Variants in FHIT observed in about 807,000 individuals in gnomAD.
FHIT encodes fragile histidine triad diadenosine triphosphatase, also known as bis(5'-adenosyl)-triphosphatase.
A neutral mutation model predicts 17.9 loss-of-function variants in FHIT; 19 were observed. The observed-to-expected ratio is 1.06, with a 90% CI of 0.74 to 1.56. FHIT has a LOEUF of 1.56. Among genes scored for constraint, FHIT ranks in the 40% most tolerant of loss-of-function variants. The pLI, the probability that FHIT is intolerant of heterozygous loss-of-function variation, is 0.00. For missense variants in FHIT, 248 were observed against 189.2 expected, an observed-to-expected ratio of 1.31 and a Z score of -1.82; for synonymous variants, 81 against 69.7, an observed-to-expected ratio of 1.16 and a Z score of -0.81.
At chr3:59,956,446 G>T (rs533273100) in intron 7 of FHIT, among the ~76,000 whole-genome samples, 19 of 152,318 alleles carry the variant, frequency 1.2e-4, no homozygotes, top group African/African-American at 4.3e-4. Context: ...GAGGCGGGCA[G>T]ATCTTGAGGT....
chr3:60,314,229 G>C (rs1461307829), intron 5 of FHIT, among the ~76,000 whole-genome samples: 5 of 148,978 alleles, frequency 3.4e-5, no homozygotes, highest in Non-Finnish European at 7.5e-5. Context: ...TCTGGTAGAT[G>C]ATTAATAAGA....
chr3:60,561,895 G>C (rs1273269776), intron 4 of FHIT, among the ~76,000 whole-genome samples: 1 of 134,372 alleles, frequency 7.4e-6, no homozygotes, highest in African/African-American at 2.8e-5. Flanking sequence ...TGAAAGAAAA[G>C]AAAAAAAAAG....
At chr3:59,804,917 G>T (rs907498089) in intron 8 of FHIT, among the ~76,000 whole-genome samples, 2 of 152,184 alleles carry the variant, frequency 1.3e-5, no homozygotes, top group African/African-American at 4.8e-5. Flanking sequence ...TTTCTCCCAG[G>T]TTGGTGGGCT....
chr3:61,214,561 C>A (rs976494689), intron 1 of FHIT, among the ~76,000 whole-genome samples: 2 of 151,914 alleles, frequency 1.3e-5, no homozygotes, highest in Admixed American at 1.3e-4. Flanking sequence ...GATTCACAGC[C>A]GAATTCTACC....
chr3:60,404,070 C>G (rs242212), intron 5 of FHIT, among the ~76,000 whole-genome samples: 1 of 152,176 alleles, frequency 6.6e-6, no homozygotes, highest in Non-Finnish European at 1.5e-5. Flanking sequence ...TGGGCCAAGT[C>G]TGCCTTTGCA....
chr3:59,824,655 T>C (rs1449828671), intron 8 of FHIT, among the ~76,000 whole-genome samples: 1 of 152,202 alleles, frequency 6.6e-6, no homozygotes, highest in Non-Finnish European at 1.5e-5. Flanking sequence ...TGAAACTTGA[T>C]ACTTCAAAAA....
chr3:60,801,587 C>T (rs1348487359), intron 4 of FHIT, among the ~76,000 whole-genome samples: 2 of 152,218 alleles, frequency 1.3e-5, no homozygotes, highest in Non-Finnish European at 2.9e-5. Flanking sequence ...CTGCCTGATA[C>T]ACATTTTCAG....
At chr3:59,999,934 G>A (rs1699663742) in intron 7 of FHIT, among the ~76,000 whole-genome samples, 1 of 152,126 alleles carries the variant, frequency 6.6e-6, no homozygotes, top group Admixed American at 6.5e-5. Context: ...ATGTCTGGAA[G>A]TAATGCAGGC....
intron 8 of FHIT, among the ~76,000 whole-genome samples, chr3:59,847,920 C>T (rs961781598): frequency 6.6e-6 from 1 of 151,914 alleles, no homozygotes; most frequent in Non-Finnish European, 1.5e-5. Context: ...TATCTGGGTC[C>T]CAAAAAGGGA....
intron 8 of FHIT, among the ~76,000 whole-genome samples, chr3:59,874,997 G>C (rs1703088349): frequency 6.6e-6 from 1 of 152,124 alleles, no homozygotes. Flanking sequence ...TTCCCTTTTT[G>C]ACTCTGATCC....
chr3:59,954,019 C>T (rs1009877664), intron 7 of FHIT, among the ~76,000 whole-genome samples: 11 of 152,080 alleles, frequency 7.2e-5, no homozygotes, highest in Admixed American at 6.5e-4. Context: ...ACTTGTATTC[C>T]AGTGTTAATG....
chr3:59,807,756 G>A (rs942921397), intron 8 of FHIT, among the ~76,000 whole-genome samples: 1 of 152,188 alleles, frequency 6.6e-6, no homozygotes, highest in Non-Finnish European at 1.5e-5. Context: ...GTCATGAGAA[G>A]TGGAGATATG....
At chr3:59,753,446 ACT>A (rs983030504) in intron 8 of FHIT, among the ~76,000 whole-genome samples, 29 of 152,120 alleles carry the variant, frequency 1.9e-4, no homozygotes, top group African/African-American at 6.5e-4. Flanking sequence ...TGTTCTCAGA[ACT>A]CTCTTCCTTA....
At chr3:60,713,057 G>A (rs1194013621) in intron 4 of FHIT, among the ~76,000 whole-genome samples, 2 of 152,072 alleles carry the variant, frequency 1.3e-5, no homozygotes, top group African/African-American at 2.4e-5. Context: ...CGTAAAAGAA[G>A]AGAAATTATA....
intron 5 of FHIT, among the ~76,000 whole-genome samples, chr3:60,402,666 G>GA (rs1281418971): frequency 2.6e-5 from 4 of 152,098 alleles, no homozygotes; most frequent in African/African-American, 9.7e-5. Flanking sequence ...AGAAAGCCTG[G>GA]TTTAGAAATA....
At chr3:60,696,538 C>T (rs2041117827) in intron 4 of FHIT, among the ~76,000 whole-genome samples, 1 of 152,066 alleles carries the variant, frequency 6.6e-6, no homozygotes, top group African/African-American at 2.4e-5. Flanking sequence ...GTGATGGTTG[C>T]TCTTCAAAGC....
chr3:60,499,680 C>T (rs934607226), intron 5 of FHIT, among the ~76,000 whole-genome samples: 2 of 152,134 alleles, frequency 1.3e-5, no homozygotes, highest in African/African-American at 2.4e-5. Context: ...CGCCCGGCCT[C>T]TCTGTGTTTT....
chr3:59,967,787 G>T (rs1008560187), intron 7 of FHIT, among the ~76,000 whole-genome samples: 1 of 151,972 alleles, frequency 6.6e-6, no homozygotes, highest in Non-Finnish European at 1.5e-5. Flanking sequence ...TGCTTTAGGG[G>T]AGGATGGAGA....
At chr3:61,153,095 A>G (rs2037440149) in intron 2 of FHIT, among the ~76,000 whole-genome samples, 1 of 150,750 alleles carries the variant, frequency 6.6e-6, no homozygotes, top group Non-Finnish European at 1.5e-5. Flanking sequence ...GTGAGCCAAG[A>G]TCACGCTACT....
Sources: allele counts gnomAD v4.1 joint callset (sites outside exome capture counted in the v4.1 genomes callset), GRCh38; gene constraint gnomAD v4.1.1; transcripts MANE v1.5; gene names NCBI Gene and HGNC (gene_info 2026-07-23, HGNC 2026-07-21).